MMP20: variants seen among roughly 807,000 people sequenced by gnomAD.
The protein encoded by MMP20 is matrix metallopeptidase 20.
MMP20 carries 50 observed loss-of-function variants against 51.8 expected under a neutral mutation model. The observed-to-expected ratio is 0.97, with a 90% CI of 0.77 to 1.22. MMP20 has a LOEUF of 1.22. Ranked by LOEUF, MMP20 falls within the 50% of genes most tolerant of loss-of-function variation. MMP20 has a pLI of 0.00. For missense variants in MMP20, 663 were observed against 601.4 expected (o/e 1.10, Z -1.07); for synonymous variants, 244 against 216.2 (o/e 1.13, Z -1.13).
At chr11:102,612,141 A>G (rs1443374828) in intron 2 of MMP20, among the ~76,000 whole-genome samples, 1 of 152,216 alleles carries the variant, frequency 6.6e-6, no homozygotes, top group Non-Finnish European at 1.5e-5. Flanking sequence ...TTTAGCTTTC[A>G]TTGTTATTAT....
intron 6 of MMP20, among the ~76,000 whole-genome samples, chr11:102,598,211 T>C (rs1859405457): frequency 6.6e-6 from 1 of 152,196 alleles, no homozygotes; most frequent in Admixed American, 6.5e-5. Context: ...ATAAGTGAAG[T>C]AAAACTCACA....
At chr11:102,586,093 T>C (rs1047091215) in intron 8 of MMP20, among the ~76,000 whole-genome samples, 2 of 152,228 alleles carry the variant, frequency 1.3e-5, no homozygotes, top group African/African-American at 4.8e-5. Flanking sequence ...GGTTTTGGTA[T>C]AAGGATAATG....
At chr11:102,602,773 G>T (rs991477927) in intron 6 of MMP20, among the ~76,000 whole-genome samples, 1 of 152,098 alleles carries the variant, frequency 6.6e-6, no homozygotes, top group Non-Finnish European at 1.5e-5. Context: ...GTACTTCTAA[G>T]ATTTATAGAT....
At position 102,594,767 on chromosome 11, in the gene MMP20, ATTCC is replaced by A; in HGVS notation, c.954-14_954-11del. ...CCGTCTCCAGAAAATCCTATGGGAC[ATTCC>A]AAAAAAAAAAAAAAAAAAAATCAAG... On this transcript the variant is annotated splice_polypyrimidine_tract_variant and intron_variant, in intron 6 of 9. Coordinates refer to ENST00000260228, the MANE Select transcript of MMP20 (RefSeq NM_004771.4). 6.8e-7 allele frequency: 1 copy of A among 1,478,990 alleles called. No individual in the cohort carries two copies. Among genetic ancestry groups the A allele is most frequent in the Middle Eastern group, 2.0e-4 (1 of 5,108 alleles). 91.6% of individuals were successfully genotyped at this position (1,478,990 alleles called of 1,614,324 possible). A position where few individuals can be genotyped will look rare whatever the true frequency, so the allele number is the denominator to read the frequency against.
chr11:102,610,056 C>T, intron 3 of MMP20, 26 bp from the exon 4 acceptor site: 6 of 1,613,458 alleles, frequency 3.7e-6, no homozygotes, highest in Non-Finnish European at 5.1e-6. Context: ...GAAAGGCCAA[C>T]AAGATTGAGT....
intron 2 of MMP20, among the ~76,000 whole-genome samples, chr11:102,614,012 A>G (rs535380609): frequency 6.6e-6 from 1 of 152,352 alleles, no homozygotes; most frequent in Admixed American, 6.5e-5. Context: ...GGATCCCCGA[A>G]TCAGGGTCTG....
chr11:102,620,716 A>T (rs964602097), intron 1 of MMP20, among the ~76,000 whole-genome samples: 9 of 152,188 alleles, frequency 5.9e-5, no homozygotes, highest in Non-Finnish European at 1.3e-4. Context: ...GCTCCAGGAC[A>T]GGGTGAAACT....
At chr11:102,580,151 C>A (rs1859176504) in intron 8 of MMP20, among the ~76,000 whole-genome samples, 1 of 152,210 alleles carries the variant, frequency 6.6e-6, no homozygotes, top group African/African-American at 2.4e-5. Flanking sequence ...TTTTCTGGAT[C>A]AGCAACCAGC....
At chr11:102,592,478 G>T (rs1859328983) in intron 8 of MMP20, among the ~76,000 whole-genome samples, 1 of 152,072 alleles carries the variant, frequency 6.6e-6, no homozygotes, top group Admixed American at 6.5e-5. Flanking sequence ...ACTCCAAATT[G>T]GGGAAGAAAA....
intron 8 of MMP20, among the ~76,000 whole-genome samples, chr11:102,584,842 G>A (rs893443324): frequency 2.0e-5 from 3 of 151,980 alleles, no homozygotes; most frequent in East Asian, 1.9e-4. Flanking sequence ...TTTTGCATGT[G>A]GCTATCCACT....
chr11:102,578,946 C>T (rs1859161212), intron 9 of MMP20, 93 bp downstream of exon 9: 4 of 910,452 alleles, frequency 4.4e-6, no homozygotes, highest in South Asian at 3.9e-5. Context: ...ACCAAGGACT[C>T]CCACTTGGAA....
chr11:102,582,830 GTTGCAAGTGTTGACCA>G (rs1278579697), intron 8 of MMP20, among the ~76,000 whole-genome samples: 1 of 152,192 alleles, frequency 6.6e-6, no homozygotes, highest in Non-Finnish European at 1.5e-5. Flanking sequence ...ATCAAAAGAT[GTTGCAAGTGTTGACCA>G]TTGAAGAATT....
chr11:102,625,237 G>A lies in MMP20; in HGVS notation c.83C>T (p.Ala28Val), dbSNP rs761467774. The A allele has an allele frequency of 5.6e-6, 9 of 1,613,910 alleles. No individual in the cohort carries two copies. Among genetic ancestry groups the A allele is most frequent in the Non-Finnish European group, 6.8e-6 (8 of 1,179,896 alleles). ...KFSTAAPSLV[A>V]ASPRTWRNNY... Reference sequence around the variant, plus strand: ...GTTCCTCCAGGTCCTGGGGGAGGCTGCAACTAGGGAGGGGGCTGCAGTGGA... The same window carrying A: ...GTTCCTCCAGGTCCTGGGGGAGGCTACAACTAGGGAGGGGGCTGCAGTGGA... Residue 28 changes from alanine to valine, a missense_variant, in exon 1 of 10, where the codon GCA (alanine) becomes GTA (valine). Coordinates refer to ENST00000260228, the MANE Select transcript of MMP20 (RefSeq NM_004771.4).
Position 102,610,049 on chromosome 11 carries a change from AG to A in MMP20, c.524-20del. ...CCGTGATCTAAACAAGTGGGGAGAA[AG>A]GCCAACAAGATTGAGTCCTTCTAGA... On this transcript the variant is annotated intron_variant, in intron 3 of 9. Transcript: ENST00000260228. The A allele has an allele frequency of 6.2e-7, 1 of 1,613,866 alleles. No individual in the cohort carries two copies. The highest frequency in any genetic ancestry group is 8.5e-7 in the Non-Finnish European group (1 of 1,179,914).
chr11:102,624,175 G>A (rs1187794536), intron 1 of MMP20, among the ~76,000 whole-genome samples: 1 of 152,208 alleles, frequency 6.6e-6, no homozygotes, highest in African/African-American at 2.4e-5. Flanking sequence ...GATGCAGACA[G>A]CCAAGCGGTA....
chr11:102,579,220 A>G (rs1940054), intron 8 of MMP20, 78 bp from the exon 9 acceptor site: 2 of 907,920 alleles, frequency 2.2e-6, no homozygotes, highest in Middle Eastern at 2.9e-4. Context: ...CTGGTCAGGC[A>G]TATGGACACA....
intron 8 of MMP20, among the ~76,000 whole-genome samples, chr11:102,581,941 A>G (rs892853538): frequency 6.6e-6 from 1 of 152,184 alleles, no homozygotes; most frequent in East Asian, 1.9e-4. Flanking sequence ...ATATCCTCTC[A>G]TCACTGAGGT....
intron 1 of MMP20, among the ~76,000 whole-genome samples, chr11:102,623,778 A>C (rs1022927671): frequency 3.9e-5 from 6 of 152,216 alleles, no homozygotes; most frequent in African/African-American, 1.4e-4. Context: ...CCAACACCTC[A>C]GATCCATTCT....
At chr11:102,618,711 A>C (rs1047976160) in intron 1 of MMP20, among the ~76,000 whole-genome samples, 2 of 152,210 alleles carry the variant, frequency 1.3e-5, no homozygotes, top group African/African-American at 4.8e-5. Flanking sequence ...CAATAATAAA[A>C]GGAAGTCTGC....
Sources: gnomAD v4.1 joint callset for allele counts (sites outside exome capture counted in the v4.1 genomes callset) on GRCh38, gnomAD v4.1.1 for gene constraint, MANE v1.5 for transcripts, NCBI Gene and HGNC (gene_info 2026-07-23, HGNC 2026-07-21) for gene names.